Variants in SPTAN1 observed in about 807,000 individuals in gnomAD.
The protein encoded by SPTAN1 is spectrin alpha chain, non-erythrocytic 1.
Under a neutral mutation model 331.3 loss-of-function variants are expected in SPTAN1, and 61 were observed. That is an observed-to-expected ratio of 0.18 (90% CI 0.15 to 0.23). The LOEUF is 0.23. Among genes scored for constraint, SPTAN1 ranks in the 10% least tolerant of loss-of-function variants. The probability of loss-of-function intolerance (pLI) is 1.00; values close to 1 mark genes in which losing one functional copy is unlikely to be tolerated. For synonymous variants in SPTAN1, 1,153 were observed against 1,173.9 expected, an observed-to-expected ratio of 0.98 and a Z score of 0.36; for missense variants, 2,043 against 3,147.9, an observed-to-expected ratio of 0.65 and a Z score of 8.40.
At chr9:128,633,041 C>G in intron 56 of SPTAN1, 86 bp downstream of exon 56, 1 of 1,595,948 alleles carries the variant, frequency 6.3e-7, no homozygotes, top group Non-Finnish European at 8.5e-7. Flanking sequence ...GGGTAACAGG[C>G]CCTGCGCTGG....
chr9:128,568,695 G>A, intron 2 of SPTAN1, 77 bp from the exon 3 acceptor site: 1 of 1,597,042 alleles, frequency 6.3e-7, no homozygotes. Flanking sequence ...AGGAGGGGAG[G>A]AACACGGGGA....
chr9:128,615,496 G>A, intron 40 of SPTAN1, 136 bp from the exon 41 acceptor site: 1 of 832,656 alleles, frequency 1.2e-6, no homozygotes, highest in Non-Finnish European at 2.0e-6. Flanking sequence ...TGAGTTGATA[G>A]AATGCCAGAG....
rs767437952 is a variant in SPTAN1 at position 128,579,765 on chromosome 9, AG to A, written c.1323+29del. 16 of 1,570,292 alleles carry A rather than the reference AG, an allele frequency of 1.0e-5. No homozygotes were observed. In the South Asian group the frequency reaches 1.7e-4, roughly 16 times the overall value. On this transcript the variant is annotated intron_variant, in intron 10 of 56. Transcript: ENST00000372739. ...TAAGAGAAGAGAAATGGAGCTTTTG[AG>A]GAGCAAATTACACCTTTCACTAAGT... is the stretch of plus-strand genomic sequence containing the variant.
At chr9:128,565,354 G>A (rs1849900386) in intron 1 of SPTAN1, among the ~76,000 whole-genome samples, 1 of 152,170 alleles carries the variant, frequency 6.6e-6, no homozygotes, top group Admixed American at 6.6e-5. Context: ...GGCGAAGAAT[G>A]TTTCCTTTTA....
In SPTAN1 at chr9:128,626,703, C is replaced by A. The variant is rs745494941; in HGVS notation, c.6576+16C>A. 2.5e-6 allele frequency: 4 copies of A among 1,593,988 alleles called. No individual in the cohort carries two copies. The highest frequency in any genetic ancestry group is 1.3e-5 in the African/African-American group (1 of 74,724). ...AATCATCAAGGTACACCTCCCGCTG[C>A]CCTCAGGAGCTGCTCGGCCTCCCAG... On this transcript the variant is annotated intron_variant, in intron 49 of 56. Coordinates refer to ENST00000372739, the MANE Select transcript of SPTAN1 (RefSeq NM_001130438.3).
intron 21 of SPTAN1, among the ~76,000 whole-genome samples, chr9:128,589,875 G>C (rs571532516): frequency 5.1e-4 from 77 of 152,214 alleles, no homozygotes; most frequent in African/African-American, 1.7e-3. Flanking sequence ...GCGCCTGGCC[G>C]ACCTGTTGGT....
At chr9:128,589,856 TGA>T (rs1853238343) in intron 21 of SPTAN1, among the ~76,000 whole-genome samples, 1 of 152,214 alleles carries the variant, frequency 6.6e-6, no homozygotes, top group Non-Finnish European at 1.5e-5. Context: ...ATTACAGGCA[TGA>T]GCCACCGCGC....
In SPTAN1 at chr9:128,598,989, A is replaced by G; in HGVS notation, c.3543+3A>G. ...AAGTGTATGGCATGATGCCCAGGGT[A>G]AGTTTCGGGTGCTGTGTGTGGATCT... On this transcript the variant is annotated splice_donor_region_variant and intron_variant, in intron 26 of 56. Transcript: ENST00000372739. The G allele has an allele frequency of 6.2e-7, 1 of 1,613,866 alleles. No homozygotes were observed. Among genetic ancestry groups the G allele is most frequent in the Non-Finnish European group, 8.5e-7 (1 of 1,179,766 alleles).
At position 128,627,974 on chromosome 9, in the gene SPTAN1, G is replaced by C. The variant is rs2131996343; in HGVS notation, c.6707+32G>C. 1 of 1,614,056 alleles carries C rather than the reference G, an allele frequency of 6.2e-7. No individual in the cohort carries two copies. Among genetic ancestry groups the C allele is most frequent in the East Asian group, 2.2e-5 (1 of 44,874 alleles). On this transcript the variant is annotated intron_variant, in intron 51 of 56. Transcript: ENST00000372739. This position sits in a 1 kb window ranked among gnomAD's most constrained non-coding sequence, Gnocchi z 4.9. ...ATTGTTTTCTTCCTTCTCTGGGCTT[G>C]TCATGTGGGGGTCTCGTGCGCTTGC...
rs187860797 is a variant in SPTAN1, at chr9:128,594,127, G to C, written c.3216-48G>C. The C allele has an allele frequency of 4.3e-5, 69 of 1,600,914 alleles. No individual in the cohort carries two copies. In the East Asian group the frequency reaches 1.4e-3, roughly 33 times the overall value. On this transcript the variant is annotated intron_variant, in intron 23 of 56. Transcript: ENST00000372739. ...GTTTGCCTTTATGTTAGCATCTACA[G>C]CTAACTGCCTTCCTTGTCCCTCTTG... is the stretch of plus-strand genomic sequence containing the variant.
At chr9:128,600,011 C>T in intron 26 of SPTAN1, 69 bp from the exon 27 acceptor site, 1 of 1,541,552 alleles carries the variant, frequency 6.5e-7, no homozygotes, top group Admixed American at 1.7e-5. Flanking sequence ...GAGTCATTCG[C>T]TGGAAAGGCC....
rs374723711 is a variant in SPTAN1 at position 128,612,161 on chromosome 9, C to A, written c.4958C>A (p.Ala1653Glu). The change falls in exon 39 of 57, where the codon GCG becomes GAG. Residue 1653 changes from alanine to glutamate, a missense_variant. Ala to Glu is a moderately radical substitution (Grantham distance 107). This residue lies in a region of SPTAN1 where 323 missense variants were observed against 581.1 expected (regional missense o/e 0.56). Transcript: ENST00000372739. ...TGGCAGTTCTTGGTGCAAAAGTCAG[C>A]GGAAAAGAGCCAGAAACTGAAAGAA... Reference protein sequence around the residue: ...DQWQFLVQKSAEKSQKLKEAN... With the variant: ...DQWQFLVQKSEEKSQKLKEAN... 81 of 1,613,986 alleles carry A rather than the reference C, an allele frequency of 5.0e-5. No individual in the cohort carries two copies. The highest frequency in any genetic ancestry group is 1.7e-4 in the Admixed American group (10 of 59,988).
intron 44 of SPTAN1, among the ~76,000 whole-genome samples, 164 bp downstream of exon 44, chr9:128,619,167 T>A (rs1304988986): frequency 4.6e-5 from 7 of 152,162 alleles, no homozygotes; most frequent in Admixed American, 4.6e-4. Flanking sequence ...GATCTCACAC[T>A]AGGGGACATC....
intron 1 of SPTAN1, among the ~76,000 whole-genome samples, chr9:128,563,064 A>G (rs1200713361): frequency 6.7e-6 from 1 of 149,428 alleles, no homozygotes; most frequent in Non-Finnish European, 1.5e-5. Flanking sequence ...CTGAGCAGAC[A>G]TTAAGCTTTT....
intron 24 of SPTAN1, among the ~76,000 whole-genome samples, chr9:128,594,909 A>G (rs558025507): frequency 1.4e-5 from 2 of 142,702 alleles, no homozygotes; most frequent in South Asian, 2.2e-4. Flanking sequence ...GCTCACTGCA[A>G]CTCCTCCTCC....
intron 48 of SPTAN1, 87 bp from the exon 49 acceptor site, chr9:128,626,304 C>A: frequency 6.5e-7 from 1 of 1,531,796 alleles, no homozygotes; most frequent in East Asian, 2.2e-5. Context: ...CTCTGATTCC[C>A]AGGAACCACC....
chr9:128,633,000 T>C, intron 56 of SPTAN1, 45 bp downstream of exon 56: 1 of 1,606,002 alleles, frequency 6.2e-7, no homozygotes, highest in Non-Finnish European at 8.5e-7. Flanking sequence ...TTTGGAAAAC[T>C]AAAGCCAAAT....
intron 1 of SPTAN1, among the ~76,000 whole-genome samples, chr9:128,558,327 G>C (rs1021938309): frequency 3.9e-5 from 6 of 152,158 alleles, no homozygotes; most frequent in Admixed American, 3.9e-4. Flanking sequence ...AATAGCCTAC[G>C]TCTTCAGTCT....
In SPTAN1 at chr9:128,626,973, C is replaced by T. The variant is rs760837405; in HGVS notation, c.6576+286C>T. 41 of 597,534 alleles carry T rather than the reference C, an allele frequency of 6.9e-5. 1 individual carries two copies. Among genetic ancestry groups the T allele is most frequent in the South Asian group, 6.4e-4 (40 of 62,478 alleles). 37.0% of individuals were successfully genotyped at this position (597,534 alleles called of 1,614,324 possible). On this transcript the variant is annotated intron_variant, in intron 49 of 56. Coordinates refer to ENST00000372739, the MANE Select transcript of SPTAN1 (RefSeq NM_001130438.3). ...GGGACTACAAGCACGTGCCACCACG[C>T]CTGGCTAATTATTTTAATTTTTGTA...
Sources: allele counts gnomAD v4.1 joint callset (sites outside exome capture counted in the v4.1 genomes callset), GRCh38; gene constraint gnomAD v4.1.1; regional missense constraint gnomAD v4.1.1; non-coding constraint Gnocchi (gnomAD v3.1); transcripts MANE v1.5; gene names NCBI Gene and HGNC (gene_info 2026-07-23, HGNC 2026-07-21).